ZCCHC7: variants seen among roughly 807,000 people sequenced by gnomAD.
ZCCHC7 encodes zinc finger CCHC domain-containing protein 7.
Under a neutral mutation model 52.0 loss-of-function variants are expected in ZCCHC7, and 35 were observed. The ratio of observed to expected loss-of-function variants is 0.67; its 90% CI spans 0.51 to 0.89. ZCCHC7 has a LOEUF of 0.89. Ranked by LOEUF, ZCCHC7 falls within the 40% of genes least tolerant of loss-of-function variation. The pLI is 0.00. For missense variants in ZCCHC7, 574 were observed against 649.1 expected (o/e 0.88, Z 1.26); for synonymous variants, 217 against 221.5 (o/e 0.98, Z 0.18).
intron 2 of ZCCHC7, among the ~76,000 whole-genome samples, chr9:37,300,984 G>A (rs992315915): frequency 2.0e-5 from 3 of 152,014 alleles, no homozygotes; most frequent in African/African-American, 7.3e-5. Flanking sequence ...CTGGATATTT[G>A]GCCTCCTTTT....
At chr9:37,198,747 G>C (rs1399907317) in intron 2 of ZCCHC7, among the ~76,000 whole-genome samples, 1 of 152,248 alleles carries the variant, frequency 6.6e-6, no homozygotes, top group Admixed American at 6.5e-5. Flanking sequence ...CAGTATCTTA[G>C]GGAAGAGGTA....
rs796915043 is a variant in ZCCHC7 at position 37,298,268 on chromosome 9, T to G, written c.611-3920T>G. The stretch of plus-strand genomic sequence containing the variant: ...GGGGGCAAAGTGTAAAAAAATAGAC[T>G]GTAGGTTATGGGTCACCCCCATGAC... On this transcript the variant is annotated intron_variant, in intron 2 of 8. Transcript: ENST00000336755. Among the ~76,000 whole-genome samples, 17 of 152,210 alleles carry G rather than the reference T, an allele frequency of 1.1e-4. No individual in the cohort carries two copies. The East Asian group carries it at 1.7e-3, about 15-fold the overall frequency.
At chr9:37,182,895 C>A (rs7038219) in intron 2 of ZCCHC7, among the ~76,000 whole-genome samples, 65,164 of 151,954 alleles carry the variant, frequency 0.43, 15,588 homozygotes, top group African/African-American at 0.64. Context: ...CTGAGGCAGG[C>A]AAGTCCCTGG....
chr9:37,179,807 T>C (rs1822251007), intron 2 of ZCCHC7, among the ~76,000 whole-genome samples: 1 of 152,184 alleles, frequency 6.6e-6, no homozygotes, highest in African/African-American at 2.4e-5. Context: ...GGATCTTCCT[T>C]CATGATGCAT....
chr9:37,229,998 A>G (rs1825319446), intron 2 of ZCCHC7, among the ~76,000 whole-genome samples: 2 of 152,188 alleles, frequency 1.3e-5, no homozygotes, highest in Non-Finnish European at 1.5e-5. Flanking sequence ...CCTAGGCCTA[A>G]TAGGATCAGG....
At chr9:37,122,897 A>G (rs1328062144) in intron 1 of ZCCHC7, among the ~76,000 whole-genome samples, 1 of 152,240 alleles carries the variant, frequency 6.6e-6, no homozygotes, top group Non-Finnish European at 1.5e-5. Context: ...AGATTGCGCC[A>G]CTGCACTCTC....
At chr9:37,189,376 G>T (rs376152775) in intron 2 of ZCCHC7, among the ~76,000 whole-genome samples, 2 of 152,084 alleles carry the variant, frequency 1.3e-5, no homozygotes. Flanking sequence ...TTAATGCTGT[G>T]ATGAATGTTG....
chr9:37,311,954 A>C (rs1185141600), intron 5 of ZCCHC7, among the ~76,000 whole-genome samples: 3 of 152,224 alleles, frequency 2.0e-5, no homozygotes, highest in Admixed American at 1.3e-4. Flanking sequence ...TCTAGTACAA[A>C]TCATTTCATA....
rs182711482 is a variant in ZCCHC7, at chr9:37,189,129, T to C, written c.610+62187T>C. Among the ~76,000 whole-genome samples the C allele has an allele frequency of 5.7e-3, 864 of 151,258 alleles. 4 individuals are homozygous for C. Among genetic ancestry groups the C allele is most frequent in the Middle Eastern group, 0.017 (5 of 294 alleles). ...GCATTTGATTTTTCTTTATATCTTC[T>C]ATTTTTTGAGGTGGCTTTCCATCTT... On this transcript the variant is annotated intron_variant, in intron 2 of 8. Transcript: ENST00000336755.
At chr9:37,184,433 G>A (rs1171285675) in intron 2 of ZCCHC7, among the ~76,000 whole-genome samples, 1 of 150,156 alleles carries the variant, frequency 6.7e-6, no homozygotes, top group African/African-American at 2.4e-5. Context: ...TTATGCCAGA[G>A]CTGGGAGAGC....
At chr9:37,140,237 T>G in intron 2 of ZCCHC7, among the ~76,000 whole-genome samples, 1 of 151,968 alleles carries the variant, frequency 6.6e-6, no homozygotes. Context: ...TACTTCCTAC[T>G]TTTAAGGAGG....
Position 37,129,678 on chromosome 9 carries a change from TCA to T in ZCCHC7, c.610+2738_610+2739del, listed in dbSNP as rs375168134. 4.7e-4 allele frequency among the ~76,000 whole-genome samples: 71 copies of T among 152,256 alleles called. 1 individual carries two copies. The South Asian group carries it at 0.015, about 32-fold the overall frequency. On this transcript the variant is annotated intron_variant, in intron 2 of 8. Transcript: ENST00000336755. ...TATTTTGTGTTCTGTTTCCTTGACC[TCA>T]CTCAAGAAAAAAACAAAATATCTCC...
intron 2 of ZCCHC7, among the ~76,000 whole-genome samples, chr9:37,243,879 C>T (rs1400685773): frequency 2.0e-5 from 3 of 151,856 alleles, no homozygotes; most frequent in Admixed American, 1.3e-4. Flanking sequence ...CAAAGAGCAT[C>T]GCACAGTGGA....
chr9:37,191,511 G>C (rs1338755579), intron 2 of ZCCHC7, among the ~76,000 whole-genome samples: 2 of 151,992 alleles, frequency 1.3e-5, no homozygotes, highest in East Asian at 1.9e-4. Context: ...CCACTAAAAT[G>C]GTGGATAGGA....
At chr9:37,333,781 A>C (rs936663097) in intron 6 of ZCCHC7, 1 of 151,850 alleles carries the variant, frequency 6.6e-6, no homozygotes, top group African/African-American at 2.4e-5. Flanking sequence ...TATATAACAC[A>C]CTTTAAAAAT....
At chr9:37,304,046 C>A (rs894559606) in intron 3 of ZCCHC7, 142 bp from the exon 4 acceptor site, 120 of 737,090 alleles carry the variant, frequency 1.6e-4, no homozygotes, top group Non-Finnish European at 6.7e-5. Context: ...ACTAATAATT[C>A]TCTTGCTTTA....
At chr9:37,224,096 A>G (rs565953099) in intron 2 of ZCCHC7, among the ~76,000 whole-genome samples, 14 of 152,064 alleles carry the variant, frequency 9.2e-5, no homozygotes, top group Admixed American at 7.9e-4. Flanking sequence ...TTAAATATTA[A>G]TAAAGGGGTC....
At chr9:37,135,637 A>G (rs1214991151) in intron 2 of ZCCHC7, among the ~76,000 whole-genome samples, 8 of 152,050 alleles carry the variant, frequency 5.3e-5, no homozygotes, top group African/African-American at 1.2e-4. Context: ...AAATTTGTTT[A>G]TTTATTTATT....
intron 2 of ZCCHC7, among the ~76,000 whole-genome samples, chr9:37,164,567 AAG>A (rs1312968203): frequency 6.6e-6 from 1 of 151,936 alleles, no homozygotes; most frequent in South Asian, 2.1e-4. Flanking sequence ...AAGAAAAGAA[AAG>A]AGAGAAGAGA....
Sources: gnomAD v4.1 joint callset for allele counts (sites outside exome capture counted in the v4.1 genomes callset) on GRCh38, gnomAD v4.1.1 for gene constraint, MANE v1.5 for transcripts, NCBI Gene and HGNC (gene_info 2026-07-23, HGNC 2026-07-21) for gene names.